Variants in CACNA2D3 observed in about 807,000 individuals in gnomAD.
CACNA2D3 encodes the protein calcium voltage-gated channel auxiliary subunit alpha2delta 3, also known as voltage-dependent calcium channel subunit alpha-2/delta-3.
Under a neutral mutation model 160.6 loss-of-function variants are expected in CACNA2D3, and 60 were observed. The observed-to-expected ratio is 0.37, with a 90% CI of 0.30 to 0.46. CACNA2D3 has a LOEUF of 0.46. CACNA2D3 is among the 20% of genes least tolerant of loss of function. CACNA2D3 has a pLI of 1.00. For synonymous variants in CACNA2D3, 558 were observed against 492.9 expected, an observed-to-expected ratio of 1.13 and a Z score of -1.75; for missense variants, 1,205 against 1,365.0, an observed-to-expected ratio of 0.88 and a Z score of 1.85.
At chr3:54,313,389 G>T (rs1377730539) in intron 2 of CACNA2D3, among the ~76,000 whole-genome samples, 4 of 151,838 alleles carry the variant, frequency 2.6e-5, no homozygotes, top group Non-Finnish European at 2.9e-5. Context: ...ATCCAGTTTT[G>T]CCCCCTTACT....
At chr3:55,055,173 A>G (rs1462199041) in intron 35 of CACNA2D3, among the ~76,000 whole-genome samples, 1 of 152,070 alleles carries the variant, frequency 6.6e-6, no homozygotes, top group Non-Finnish European at 1.5e-5. Flanking sequence ...GTTTTCTGCT[A>G]GTAGTTTTAT....
intron 3 of CACNA2D3, among the ~76,000 whole-genome samples, chr3:54,327,794 G>GT (rs973268963): frequency 2.7e-4 from 41 of 151,362 alleles, no homozygotes; most frequent in African/African-American, 5.3e-4. Flanking sequence ...GTCCTTACAG[G>GT]TTTTTTTTTC....
At chr3:54,459,831 A>C (rs1700465998) in intron 4 of CACNA2D3, among the ~76,000 whole-genome samples, 1 of 152,078 alleles carries the variant, frequency 6.6e-6, no homozygotes, top group Admixed American at 6.6e-5. Flanking sequence ...GGTGTTTTAG[A>C]CATGAAGTCC....
At chr3:54,714,978 A>G (rs892411612) in intron 11 of CACNA2D3, among the ~76,000 whole-genome samples, 3 of 152,206 alleles carry the variant, frequency 2.0e-5, no homozygotes, top group Non-Finnish European at 2.9e-5. Flanking sequence ...CAAGCAATCA[A>G]CTGTCCAGCA....
chr3:54,551,630 C>G (rs1702159495), intron 5 of CACNA2D3, among the ~76,000 whole-genome samples: 1 of 152,214 alleles, frequency 6.6e-6, no homozygotes, highest in South Asian at 2.1e-4. Context: ...GGTGTGAAGC[C>G]TCAGGCAGTG....
intron 26 of CACNA2D3, 104 bp from the exon 27 acceptor site, chr3:54,899,684 A>G: frequency 3.5e-6 from 3 of 850,564 alleles, no homozygotes; most frequent in Non-Finnish European, 5.7e-6. Context: ...ACCAAGCCCC[A>G]GAACAATTTG....
chr3:54,294,321 C>T (rs1284259033), intron 2 of CACNA2D3, among the ~76,000 whole-genome samples: 1 of 152,174 alleles, frequency 6.6e-6, no homozygotes, highest in Non-Finnish European at 1.5e-5. Context: ...CCTTGCATAA[C>T]AAATGGGTAT....
chr3:54,403,397 A>G (rs9861485), intron 4 of CACNA2D3, among the ~76,000 whole-genome samples: 167 of 147,350 alleles, frequency 1.1e-3, no homozygotes, highest in African/African-American at 3.5e-3. Context: ...ACACACACAC[A>G]CGCACACACA....
At chr3:54,994,819 A>G (rs1300936023) in intron 31 of CACNA2D3, among the ~76,000 whole-genome samples, 1 of 152,190 alleles carries the variant, frequency 6.6e-6, no homozygotes, top group Non-Finnish European at 1.5e-5. Flanking sequence ...ATTTGAACTC[A>G]TGTCTCTCAG....
chr3:54,872,704 A>G (rs1022786741), intron 18 of CACNA2D3, among the ~76,000 whole-genome samples: 1 of 152,198 alleles, frequency 6.6e-6, no homozygotes, highest in Non-Finnish European at 1.5e-5. Context: ...TGAGAGCCAT[A>G]CCTGTTTTAG....
At chr3:54,417,579 T>C (rs1346631106) in intron 4 of CACNA2D3, among the ~76,000 whole-genome samples, 3 of 152,346 alleles carry the variant, frequency 2.0e-5, no homozygotes, top group African/African-American at 4.8e-5. Context: ...TCTACAGATA[T>C]AGCATTATCC....
intron 27 of CACNA2D3, among the ~76,000 whole-genome samples, chr3:54,941,020 G>T (rs1701452841): frequency 6.6e-6 from 1 of 150,964 alleles, no homozygotes; most frequent in African/African-American, 2.5e-5. Context: ...ACTTGATAAG[G>T]CAATCCTGGT....
chr3:55,063,766 G>A (rs1474594619), intron 35 of CACNA2D3, among the ~76,000 whole-genome samples: 1 of 152,144 alleles, frequency 6.6e-6, no homozygotes, highest in Non-Finnish European at 1.5e-5. Context: ...TAAAAAGAGG[G>A]ATGGGGTGTC....
intron 2 of CACNA2D3, among the ~76,000 whole-genome samples, chr3:54,190,889 G>T (rs78804671): frequency 2.6e-5 from 4 of 151,914 alleles, no homozygotes; most frequent in Non-Finnish European, 5.9e-5. Context: ...ACTTAACCTC[G>T]TTGGGCCTCT....
chr3:54,657,227 C>T (rs1699889589), intron 11 of CACNA2D3, among the ~76,000 whole-genome samples: 1 of 152,090 alleles, frequency 6.6e-6, no homozygotes, highest in South Asian at 2.1e-4. Flanking sequence ...AAGGCAGGAA[C>T]CCGCGGTCTG....
chr3:54,792,537 T>A (rs1702781443), intron 13 of CACNA2D3, among the ~76,000 whole-genome samples: 1 of 152,206 alleles, frequency 6.6e-6, no homozygotes, highest in African/African-American at 2.4e-5. Flanking sequence ...CTGTCAGGAA[T>A]CTGCCTCTTG....
intron 33 of CACNA2D3, 97 bp downstream of exon 33, chr3:55,007,939 C>T: frequency 2.7e-6 from 2 of 735,228 alleles, no homozygotes; most frequent in Non-Finnish European, 4.2e-6. Context: ...CCTTCAATAA[C>T]CATTAGATTC....
intron 27 of CACNA2D3, among the ~76,000 whole-genome samples, chr3:54,916,375 A>G (rs1700659106): frequency 6.6e-6 from 1 of 152,156 alleles, no homozygotes; most frequent in Admixed American, 6.5e-5. Flanking sequence ...AAAGAAGGAT[A>G]TTGAGCCATG....
At chr3:54,925,186 C>A in intron 27 of CACNA2D3, 1 of 1,613,120 alleles carries the variant, frequency 6.2e-7, no homozygotes, top group Non-Finnish European at 8.5e-7. Context: ...TGGAGCAGGA[C>A]AATCACACTG....
Sources: allele counts gnomAD v4.1 joint callset (sites outside exome capture counted in the v4.1 genomes callset), GRCh38; gene constraint gnomAD v4.1.1; transcripts MANE v1.5; gene names NCBI Gene and HGNC (gene_info 2026-07-23, HGNC 2026-07-21).